LRIG1: variants seen among roughly 807,000 people sequenced by gnomAD.
LRIG1 encodes leucine rich repeats and immunoglobulin like domains 1, also known as leucine-rich repeats and immunoglobulin-like domains protein 1.
LRIG1 carries 48 observed loss-of-function variants against 99.2 expected under a neutral mutation model. The observed-to-expected ratio is 0.48, with a 90% CI of 0.38 to 0.62. The LOEUF is 0.62. Among genes scored for constraint, LRIG1 ranks in the 20% least tolerant of loss-of-function variants. The pLI, the probability that LRIG1 is intolerant of heterozygous loss-of-function variation, is 0.00. For missense variants in LRIG1, 1,646 were observed against 1,434.4 expected, an observed-to-expected ratio of 1.15 and a Z score of -2.38; for synonymous variants, 772 against 596.1, an observed-to-expected ratio of 1.29 and a Z score of -4.30.
chr3:66,384,361 G>T, intron 13 of LRIG1, 89 bp from the exon 14 acceptor site: 1 of 1,366,230 alleles, frequency 7.3e-7, no homozygotes, highest in Non-Finnish European at 1.0e-6. Context: ...CTGTCACTGT[G>T]CCCAGTGCCA....
intron 4 of LRIG1, among the ~76,000 whole-genome samples, chr3:66,415,418 GC>G (rs1376362496): frequency 2.0e-5 from 3 of 152,202 alleles, no homozygotes; most frequent in African/African-American, 7.2e-5. Context: ...ACCACCCAGT[GC>G]CCAAGGTTGA....
chr3:66,467,997 A>C (rs1700514105), intron 1 of LRIG1, among the ~76,000 whole-genome samples: 2 of 152,198 alleles, frequency 1.3e-5, no homozygotes, highest in South Asian at 4.1e-4. Flanking sequence ...TCAACAAGGG[A>C]AAGAGCCTTC....
intron 3 of LRIG1, among the ~76,000 whole-genome samples, chr3:66,436,452 T>C (rs372119161): frequency 1.2e-4 from 18 of 152,308 alleles, no homozygotes; most frequent in African/African-American, 3.6e-4. Context: ...TGCTTTGGCA[T>C]TTGCTAAACT....
intron 1 of LRIG1, among the ~76,000 whole-genome samples, chr3:66,493,105 C>T (rs757666178): frequency 6.6e-6 from 1 of 152,146 alleles, no homozygotes; most frequent in Non-Finnish European, 1.5e-5. Flanking sequence ...CAAGGTTTTC[C>T]AAAGAGAAGC....
chr3:66,455,124 T>C (rs927537267), intron 2 of LRIG1, among the ~76,000 whole-genome samples: 6 of 152,170 alleles, frequency 3.9e-5, no homozygotes, highest in Non-Finnish European at 1.5e-5. Context: ...TTTTTATTTT[T>C]AGTAGACACG....
intron 9 of LRIG1, among the ~76,000 whole-genome samples, chr3:66,401,998 C>T (rs540532951): frequency 6.6e-6 from 1 of 152,308 alleles, no homozygotes; most frequent in South Asian, 2.1e-4. Context: ...CACCCACACA[C>T]ACAATGAGTT....
rs374621770 is a variant in LRIG1 at position 66,380,505 on chromosome 3, G to C, written c.3056-16C>G. 1.2e-5 allele frequency: 20 copies of C among 1,613,802 alleles called. No homozygotes were observed. Among genetic ancestry groups the C allele is most frequent in the Admixed American group, 5.0e-5 (3 of 60,006 alleles). ...GAAGAATCCCCTACAAGGAAAGAAC[G>C]AACCTGTCAGACCCCCACTTGACCG... is the stretch of plus-strand genomic sequence containing the variant. On this transcript the variant is annotated splice_polypyrimidine_tract_variant and intron_variant, in intron 18 of 18. Transcript: ENST00000273261.
chr3:66,444,062 A>G (rs1335631757), intron 3 of LRIG1, among the ~76,000 whole-genome samples: 1 of 152,216 alleles, frequency 6.6e-6, no homozygotes, highest in African/African-American at 2.4e-5. Flanking sequence ...GACTGATCAG[A>G]TACGAGTGAC....
intron 3 of LRIG1, among the ~76,000 whole-genome samples, chr3:66,441,295 C>T (rs1167118362): frequency 1.3e-5 from 2 of 152,162 alleles, no homozygotes; most frequent in East Asian, 3.8e-4. Context: ...AGTGAGGAAA[C>T]TGCAGAGGAA....
intron 4 of LRIG1, among the ~76,000 whole-genome samples, chr3:66,415,643 A>G (rs929941585): frequency 1.3e-5 from 2 of 152,176 alleles, no homozygotes; most frequent in African/African-American, 2.4e-5. Context: ...AAAACAAGCA[A>G]TATGTCATGG....
At chr3:66,436,149 GC>G (rs1703349938) in intron 3 of LRIG1, among the ~76,000 whole-genome samples, 1 of 152,344 alleles carries the variant, frequency 6.6e-6, no homozygotes, top group South Asian at 2.1e-4. Context: ...CGTGGCCCTT[GC>G]CTGGCATCAG....
chr3:66,407,564 G>T, intron 7 of LRIG1, 73 bp from the exon 8 acceptor site: 3 of 1,558,966 alleles, frequency 1.9e-6, no homozygotes, highest in Non-Finnish European at 2.6e-6. Flanking sequence ...CGGAAATTGG[G>T]CCACAGTCAG....
At chr3:66,404,471 G>A (rs1017370480) in intron 9 of LRIG1, 14 of 1,111,890 alleles carry the variant, frequency 1.3e-5, no homozygotes, top group South Asian at 8.4e-5. Flanking sequence ...CTGGTTACAC[G>A]CAGAGAAAAC....
chr3:66,482,974 T>C (rs1480441166), intron 1 of LRIG1, among the ~76,000 whole-genome samples: 1 of 152,144 alleles, frequency 6.6e-6, no homozygotes, highest in Non-Finnish European at 1.5e-5. Context: ...TCTTCTTTAT[T>C]CAATAAATGC....
chr3:66,392,775 C>G (rs1011404476), intron 12 of LRIG1, among the ~76,000 whole-genome samples: 6 of 151,954 alleles, frequency 3.9e-5, no homozygotes, highest in Non-Finnish European at 8.8e-5. Context: ...GGGGAGGGAG[C>G]GATGGAAAGC....
intron 16 of LRIG1, among the ~76,000 whole-genome samples, 159 bp downstream of exon 16, chr3:66,382,114 T>C (rs901595235): frequency 3.9e-5 from 6 of 152,328 alleles, no homozygotes; most frequent in African/African-American, 1.4e-4. Context: ...TCATGAAGAC[T>C]GGGTCCAAAA....
chr3:66,476,960 G>A (rs922584654), intron 1 of LRIG1, among the ~76,000 whole-genome samples: 2 of 152,168 alleles, frequency 1.3e-5, no homozygotes, highest in Admixed American at 6.5e-5. Flanking sequence ...TGTGACGCAC[G>A]ACACACATGT....
At chr3:66,443,964 G>A (rs1575696243) in intron 3 of LRIG1, among the ~76,000 whole-genome samples, 1 of 152,172 alleles carries the variant, frequency 6.6e-6, no homozygotes, top group South Asian at 2.1e-4. Flanking sequence ...CCCCAGTAGG[G>A]TGGGGGAAAA....
chr3:66,417,073 T>C (rs1702636456), intron 4 of LRIG1, 56 bp downstream of exon 4: 2 of 1,597,630 alleles, frequency 1.3e-6, no homozygotes, highest in African/African-American at 2.7e-5. Context: ...CCGGTGAAGC[T>C]GTTAGCTGGC....
Sources: allele counts gnomAD v4.1 joint callset (sites outside exome capture counted in the v4.1 genomes callset), GRCh38; gene constraint gnomAD v4.1.1; transcripts MANE v1.5; gene names NCBI Gene and HGNC (gene_info 2026-07-23, HGNC 2026-07-21).